PITPNA: variants seen among roughly 807,000 people sequenced by gnomAD.
The protein encoded by PITPNA is phosphatidylinositol transfer protein alpha isoform.
A neutral mutation model predicts 50.3 loss-of-function variants in PITPNA; 13 were observed. The observed-to-expected ratio is 0.26, with a 90% confidence interval of 0.17 to 0.41. PITPNA has a LOEUF of 0.41. Among genes scored for constraint, PITPNA ranks in the 10% least tolerant of loss-of-function variants. PITPNA has a pLI of 1.00. For synonymous variants in PITPNA, 120 were observed against 119.6 expected, an observed-to-expected ratio of 1.00 and a Z score of -0.02; for missense variants, 207 against 333.4, an observed-to-expected ratio of 0.62 and a Z score of 2.95.
At chr17:1,533,925 A>G (rs979341136) in intron 10 of PITPNA, among the ~76,000 whole-genome samples, 174 bp downstream of exon 10, 1 of 152,042 alleles carries the variant, frequency 6.6e-6, no homozygotes, top group African/African-American at 2.4e-5. Flanking sequence ...TCAAGAGCAC[A>G]GGCTGTTTTC....
chr17:1,545,459 T>C (rs964066293), intron 4 of PITPNA, among the ~76,000 whole-genome samples: 4 of 152,196 alleles, frequency 2.6e-5, no homozygotes, highest in African/African-American at 9.7e-5. Context: ...AAAGAGCAAG[T>C]GTCTAACTAA....
intron 7 of PITPNA, 103 bp from the exon 8 acceptor site, chr17:1,535,621 T>C (rs1301894843): frequency 1.3e-6 from 1 of 762,470 alleles, no homozygotes. Context: ...CAGATCTTGA[T>C]GCTGATGGCA....
intron 6 of PITPNA, among the ~76,000 whole-genome samples, chr17:1,539,756 A>G (rs2075639092): frequency 6.6e-6 from 1 of 152,240 alleles, no homozygotes; most frequent in Non-Finnish European, 1.5e-5. Context: ...TGTTTGTCTG[A>G]GATGGAGTCT....
chr17:1,524,342 CCTTT>C (rs2075534413), intron 10 of PITPNA, among the ~76,000 whole-genome samples: 1 of 139,528 alleles, frequency 7.2e-6, no homozygotes, highest in Admixed American at 7.1e-5. Flanking sequence ...TCGCACCTGG[CCTTT>C]TTTTTTTTTT....
chr17:1,556,900 C>A (rs1279495107), intron 2 of PITPNA, among the ~76,000 whole-genome samples: 1 of 151,876 alleles, frequency 6.6e-6, no homozygotes, highest in Non-Finnish European at 1.5e-5. Flanking sequence ...GCAAGACCAG[C>A]GTGGACAACA....
intron 7 of PITPNA, among the ~76,000 whole-genome samples, chr17:1,536,580 C>T (rs189031202): frequency 7.1e-4 from 106 of 149,288 alleles, no homozygotes; most frequent in Admixed American, 2.6e-3. Context: ...TGAGCCACCG[C>T]GCCCTGCCTT....
At chr17:1,543,345 C>T (rs2075657358) in intron 4 of PITPNA, among the ~76,000 whole-genome samples, 1 of 152,152 alleles carries the variant, frequency 6.6e-6, no homozygotes, top group African/African-American at 2.4e-5. Context: ...CGCAACTCAT[C>T]ACTCTGGCAT....
Position 1,554,453 on chromosome 17 carries a change from C to T in PITPNA, c.52-1304G>A, listed in dbSNP as rs904036156. Among the ~76,000 whole-genome samples, 4 of 136,024 alleles carry T rather than the reference C, an allele frequency of 2.9e-5. No homozygotes were observed. In the East Asian group the frequency reaches 6.5e-4, roughly 22 times the overall value. 89.2% of individuals were successfully genotyped at this position (136,024 alleles called of 152,430 possible). On this transcript the variant is annotated intron_variant, in intron 2 of 11. Transcript: ENST00000313486. ...CGCACAGTGGTGCGATCTCAGGTCA[C>T]TGCAACCTCCGCCTCCTGGGTTCAA...
intron 10 of PITPNA, among the ~76,000 whole-genome samples, chr17:1,529,929 C>T (rs1284642043): frequency 6.6e-6 from 1 of 151,854 alleles, no homozygotes; most frequent in Non-Finnish European, 1.5e-5. Flanking sequence ...ATCTCATTAT[C>T]TAAAGAGTTA....
intron 10 of PITPNA, among the ~76,000 whole-genome samples, chr17:1,523,285 AT>A (rs1475548801): frequency 7.2e-5 from 11 of 152,202 alleles, no homozygotes; most frequent in Non-Finnish European, 1.3e-4. Flanking sequence ...TTTGTTCTTT[AT>A]AATGTTCAAC....
intron 2 of PITPNA, 100 bp downstream of exon 2, chr17:1,558,429 T>TAAGAAAACTATATAAACAGA (rs2075749827): frequency 1.3e-6 from 1 of 749,152 alleles, no homozygotes; most frequent in Non-Finnish European, 2.3e-6. Context: ...TTAGAACAAA[T>TAAGAAAACTATATAAACAGA]AAGAAAACTA....
intron 10 of PITPNA, among the ~76,000 whole-genome samples, chr17:1,533,730 A>G (rs968330830): frequency 2.0e-5 from 3 of 152,180 alleles, no homozygotes; most frequent in Non-Finnish European, 4.4e-5. Flanking sequence ...GGTAATGTGC[A>G]TGGTATTCAC....
At chr17:1,558,440 T>C (rs2075749894) in intron 2 of PITPNA, 89 bp downstream of exon 2, 1 of 795,716 alleles carries the variant, frequency 1.3e-6, no homozygotes, top group South Asian at 1.5e-5. Context: ...AAGAAAACTA[T>C]ATAAACAGGA....
At chr17:1,549,366 G>T (rs1000797504) in intron 3 of PITPNA, among the ~76,000 whole-genome samples, 14 of 150,110 alleles carry the variant, frequency 9.3e-5, no homozygotes, top group African/African-American at 3.4e-4. Flanking sequence ...ACCCAAGCTG[G>T]AGTGTAGTGG....
chr17:1,526,636 T>C (rs1465313008), intron 10 of PITPNA, among the ~76,000 whole-genome samples: 1 of 152,230 alleles, frequency 6.6e-6, no homozygotes, highest in Non-Finnish European at 1.5e-5. Flanking sequence ...CAGTTACTAA[T>C]GCAAAGCCAG....
At position 1,562,470 on chromosome 17, in the gene PITPNA, C is replaced by G; in HGVS notation, c.20+71G>C. ...GTCCATCCGGGCCCTGCGTCCCTCG[C>G]CGCGCCGTCGCCCCGGCGGCCGTCC... On this transcript the variant is annotated intron_variant, in intron 1 of 11. Transcript: ENST00000313486. The surrounding 1 kb of genome is among the most constrained non-coding windows in gnomAD (Gnocchi z 6.4). 1 of 1,297,186 alleles carries G rather than the reference C, an allele frequency of 7.7e-7. No homozygotes were observed. The highest frequency in any genetic ancestry group is 1.0e-6 in the Non-Finnish European group (1 of 981,068). The allele number at this position is 1,297,186 out of a possible 1,614,324, so 80.4% of individuals were successfully genotyped here. A position where few individuals can be genotyped will look rare whatever the true frequency, so the allele number is the denominator to read the frequency against.
rs1387655253 is a variant in PITPNA at position 1,518,505 on chromosome 17, T to C, written c.*2056A>G. Reference sequence around the variant, plus strand: ...GGGATGGAACAGACCAGGGACATCCTCCTTTATGTTTATGTGGGCTGCAAT... The same window carrying C: ...GGGATGGAACAGACCAGGGACATCCCCCTTTATGTTTATGTGGGCTGCAAT... On this transcript the variant is annotated 3_prime_UTR_variant, in exon 12 of 12. Coordinates refer to ENST00000313486, the MANE Select transcript of PITPNA (RefSeq NM_006224.4). 6.6e-6 allele frequency: 1 copy of C among 152,666 alleles called. No individual in the cohort carries two copies. The highest frequency in any genetic ancestry group is 1.5e-5 in the Non-Finnish European group (1 of 68,056). 9.5% of individuals were successfully genotyped at this position (152,666 alleles called of 1,614,324 possible).
chr17:1,559,997 G>A (rs2151015574), intron 1 of PITPNA, among the ~76,000 whole-genome samples: 1 of 152,286 alleles, frequency 6.6e-6, no homozygotes, highest in Non-Finnish European at 1.5e-5. Context: ...AAAACAATAA[G>A]CCTTTTATCT....
chr17:1,548,265 G>C (rs370805367), intron 4 of PITPNA, 31 bp downstream of exon 4: 10 of 1,486,146 alleles, frequency 6.7e-6, no homozygotes, highest in Admixed American at 1.9e-5. Context: ...GCCCGCCCCT[G>C]CCTGGCCGAC....
Sources: allele counts gnomAD v4.1 joint callset (sites outside exome capture counted in the v4.1 genomes callset), GRCh38; gene constraint gnomAD v4.1.1; non-coding constraint Gnocchi (gnomAD v3.1); transcripts MANE v1.5; gene names NCBI Gene and HGNC (gene_info 2026-07-23, HGNC 2026-07-21).